NR2C2: variants seen among roughly 807,000 people sequenced by gnomAD.
NR2C2 encodes nuclear receptor subfamily 2 group C member 2.
NR2C2 carries 6 observed loss-of-function variants against 62.9 expected under a neutral mutation model. That is an observed-to-expected ratio of 0.10 (90% CI 0.05 to 0.19). The LOEUF (loss-of-function observed/expected upper bound fraction) is 0.19, where lower values mean the gene tolerates loss of function less well. NR2C2 is among the 10% of genes least tolerant of loss of function. The probability of loss-of-function intolerance (pLI) is 1.00; values close to 1 mark genes in which losing one functional copy is unlikely to be tolerated. For missense variants in NR2C2, 479 were observed against 762.7 expected (o/e 0.63, Z 4.38); for synonymous variants, 272 against 273.8 (o/e 0.99, Z 0.07).
chr3:15,029,963 G>T (rs2041935337), intron 8 of NR2C2, among the ~76,000 whole-genome samples: 1 of 152,020 alleles, frequency 6.6e-6, no homozygotes, highest in South Asian at 2.1e-4. Context: ...AGAAAAGAAA[G>T]AAATTGTCCA....
chr3:15,046,662 CT>C lies in NR2C2; in HGVS notation c.*3657del, dbSNP rs1237185098. On this transcript the variant is annotated 3_prime_UTR_variant, in exon 14 of 14. Coordinates refer to ENST00000425241, the MANE Select transcript of NR2C2 (RefSeq NM_001291694.2). Reference sequence around the variant, plus strand: ...GTTGCCCACTTTCCAGTGTAAATGACTTTATGTGCAATGGGGTCATAGGTAA... The same window carrying C: ...GTTGCCCACTTTCCAGTGTAAATGACTTATGTGCAATGGGGTCATAGGTAA... The C allele has an allele frequency of 1.3e-5, 2 of 152,346 alleles. No homozygotes were observed. The highest frequency in any genetic ancestry group is 2.9e-5 in the Non-Finnish European group (2 of 68,052). The allele number at this position is 152,346 out of a possible 1,614,324, so 9.4% of individuals were successfully genotyped here.
At chr3:14,969,991 A>G (rs1321148416) in intron 1 of NR2C2, among the ~76,000 whole-genome samples, 2 of 152,154 alleles carry the variant, frequency 1.3e-5, no homozygotes, top group Non-Finnish European at 2.9e-5. Flanking sequence ...ACTCACTAGG[A>G]CTGAATTTGA....
intron 1 of NR2C2, among the ~76,000 whole-genome samples, chr3:14,999,496 C>CA (rs964247961): frequency 1.3e-4 from 20 of 150,456 alleles, no homozygotes; most frequent in Admixed American, 3.3e-4. Flanking sequence ...TTGTCCCCCC[C>CA]AAAAAAAAAG....
chr3:15,034,362 GTCCAGGATGCTGA>G (rs1196282645), intron 10 of NR2C2: 2 of 253,032 alleles, frequency 7.9e-6, no homozygotes, highest in African/African-American at 4.5e-5. Context: ...GGGACAGTCA[GTCCAGGATGCTGA>G]GGCTTTTGAA....
At chr3:14,986,757 G>T (rs578246079) in intron 1 of NR2C2, among the ~76,000 whole-genome samples, 13 of 152,298 alleles carry the variant, frequency 8.5e-5, no homozygotes, top group African/African-American at 3.1e-4. Context: ...TCAAAAATTA[G>T]CATCTGCTAT....
chr3:14,991,127 C>T lies in NR2C2; in HGVS notation c.-39-12749C>T, dbSNP rs976700019. On this transcript the variant is annotated intron_variant, in intron 1 of 13. Transcript: ENST00000425241. ...TTTACCTTTTTAAAATCTCTATTGC[C>T]AACTGTAAAATTCAAAACTGGCTAA... Among the ~76,000 whole-genome samples, 17 of 152,044 alleles carry T rather than the reference C, an allele frequency of 1.1e-4. 1 individual carries two copies. The highest frequency in any genetic ancestry group is 2.4e-4 in the Non-Finnish European group (16 of 68,004).
chr3:15,013,523 C>T, intron 2 of NR2C2, 66 bp from the exon 3 acceptor site: 1 of 1,447,290 alleles, frequency 6.9e-7, no homozygotes, highest in Non-Finnish European at 9.6e-7. Flanking sequence ...CCACTTTGAG[C>T]ACCACCTGCA....
intron 1 of NR2C2, among the ~76,000 whole-genome samples, chr3:14,992,832 A>C (rs1398259716): frequency 6.6e-6 from 1 of 152,254 alleles, no homozygotes; most frequent in African/African-American, 2.4e-5. Flanking sequence ...TTTCACACCC[A>C]GCTTGCCCAT....
intron 8 of NR2C2, 59 bp downstream of exon 8, chr3:15,028,778 G>C: frequency 6.3e-7 from 1 of 1,582,296 alleles, no homozygotes; most frequent in Non-Finnish European, 8.7e-7. Flanking sequence ...CCTCTATTGT[G>C]AGGGTGGAAA....
rs2042409884 is a variant in NR2C2 at position 15,045,264 on chromosome 3, G to C, written c.*2256G>C. The C allele has an allele frequency of 2.0e-5, 3 of 152,226 alleles. No individual in the cohort carries two copies. Among genetic ancestry groups the C allele is most frequent in the African/African-American group, 2.4e-5 (1 of 41,440 alleles). 9.4% of individuals were successfully genotyped at this position (152,226 alleles called of 1,614,324 possible). ...GTTCCCTGGGAATACAAGCATAACAGCTTTCAGATCCCAGTTCTTGGTGTT... is the reference window on the plus strand; with the variant it reads ...GTTCCCTGGGAATACAAGCATAACACCTTTCAGATCCCAGTTCTTGGTGTT... On this transcript the variant is annotated 3_prime_UTR_variant, in exon 14 of 14. Coordinates refer to ENST00000425241, the MANE Select transcript of NR2C2 (RefSeq NM_001291694.2).
chr3:14,981,525 C>T (rs1436887157), intron 1 of NR2C2, among the ~76,000 whole-genome samples: 2 of 150,996 alleles, frequency 1.3e-5, no homozygotes, highest in Non-Finnish European at 2.9e-5. Context: ...ATGGCATGAA[C>T]CCAGGAGGTG....
At chr3:15,035,888 C>T (rs1559309134) in intron 11 of NR2C2, among the ~76,000 whole-genome samples, 1 of 152,158 alleles carries the variant, frequency 6.6e-6, no homozygotes, top group Non-Finnish European at 1.5e-5. Flanking sequence ...ATTAGCCAGG[C>T]GTGATGGTGG....
At chr3:15,013,052 C>T (rs1385958486) in intron 2 of NR2C2, among the ~76,000 whole-genome samples, 1 of 152,140 alleles carries the variant, frequency 6.6e-6, no homozygotes, top group Non-Finnish European at 1.5e-5. Flanking sequence ...TCCTTAAAGA[C>T]CTCAGAGTCA....
intron 1 of NR2C2, among the ~76,000 whole-genome samples, chr3:15,000,480 G>C (rs1239892527): frequency 6.6e-6 from 1 of 152,230 alleles, no homozygotes; most frequent in Non-Finnish European, 1.5e-5. Context: ...GAGAACATGG[G>C]AGTGCAGACA....
At chr3:15,024,904 C>T (rs2041778905) in intron 7 of NR2C2, among the ~76,000 whole-genome samples, 1 of 152,226 alleles carries the variant, frequency 6.6e-6, no homozygotes, top group Non-Finnish European at 1.5e-5. Context: ...CTGCAGGCTT[C>T]CTCCTCATCT....
At chr3:14,967,284 A>AT (rs984494347) in intron 1 of NR2C2, among the ~76,000 whole-genome samples, 6 of 150,652 alleles carry the variant, frequency 4.0e-5, no homozygotes, top group Middle Eastern at 3.4e-3. Context: ...TGTCAACTTG[A>AT]TTTTTTTTCA....
chr3:14,958,412 A>C (rs547585361), intron 1 of NR2C2, among the ~76,000 whole-genome samples: 1 of 150,712 alleles, frequency 6.6e-6, no homozygotes, highest in East Asian at 2.0e-4. Context: ...TCCCCTAAAC[A>C]TTATTGTGGG....
intron 1 of NR2C2, among the ~76,000 whole-genome samples, chr3:14,997,093 A>G (rs1191319286): frequency 6.6e-6 from 1 of 152,230 alleles, no homozygotes; most frequent in Non-Finnish European, 1.5e-5. Context: ...TTGAGTGCCT[A>G]TAGGAAGGAA....
chr3:14,963,224 G>C (rs60231747), intron 1 of NR2C2, among the ~76,000 whole-genome samples: 10,522 of 152,224 alleles, frequency 0.069, 441 homozygotes, highest in South Asian at 0.13. Flanking sequence ...CATACTTTGG[G>C]CATTCATTCT....
Sources: gnomAD v4.1 joint callset for allele counts (sites outside exome capture counted in the v4.1 genomes callset) on GRCh38, gnomAD v4.1.1 for gene constraint, MANE v1.5 for transcripts, NCBI Gene and HGNC (gene_info 2026-07-23, HGNC 2026-07-21) for gene names.